Variants in KMT2C observed in about 807,000 individuals in gnomAD.
KMT2C encodes lysine methyltransferase 2C, also known as histone-lysine N-methyltransferase 2C.
Under a neutral mutation model 507.9 loss-of-function variants are expected in KMT2C, and 88 were observed. The ratio of observed to expected loss-of-function variants is 0.17; its 90% CI spans 0.15 to 0.21. The LOEUF is 0.21. Ranked by LOEUF, KMT2C falls within the 10% of genes least tolerant of loss-of-function variation. The pLI is 1.00. For missense variants in KMT2C, 4,954 were observed against 5,957.8 expected (o/e 0.83, Z 5.55); for synonymous variants, 2,049 against 2,080.8 (o/e 0.98, Z 0.42).
intron 1 of KMT2C, among the ~76,000 whole-genome samples, chr7:152,392,612 A>G (rs2116559146): frequency 6.6e-6 from 1 of 152,352 alleles, no homozygotes; most frequent in Admixed American, 6.5e-5. Context: ...CTAAAGTCAC[A>G]TCAGAACCAC....
Position 152,392,640 on chromosome 7 carries a change from T to C in KMT2C, c.162-33965A>G, listed in dbSNP as rs1012866606. On this transcript the variant is annotated intron_variant, in intron 1 of 58. Coordinates refer to ENST00000262189, the MANE Select transcript of KMT2C (RefSeq NM_170606.3). ...AGAACCACCAGGAAGCACAATTTCA[T>C]TGTATTTTGTGTGAATGCCCTCCCC... Among the ~76,000 whole-genome samples, 50 of 152,196 alleles carry C rather than the reference T, an allele frequency of 3.3e-4. 1 individual carries two copies. Among genetic ancestry groups the C allele is most frequent in the Admixed American group, 1.7e-3 (26 of 15,268 alleles).
At chr7:152,249,166 T>G (rs1588576977) in intron 13 of KMT2C, among the ~76,000 whole-genome samples, 1 of 152,290 alleles carries the variant, frequency 6.6e-6, no homozygotes, top group Non-Finnish European at 1.5e-5. Context: ...AGGAAATCTA[T>G]AAACTTAGAT....
At chr7:152,266,203 T>C (rs2095855805) in intron 7 of KMT2C, among the ~76,000 whole-genome samples, 3 of 152,052 alleles carry the variant, frequency 2.0e-5, no homozygotes, top group Non-Finnish European at 1.5e-5. Context: ...TATATATAAA[T>C]ATGCCTGTAT....
At chr7:152,373,777 A>G (rs10225914) in intron 1 of KMT2C, among the ~76,000 whole-genome samples, 5,704 of 152,262 alleles carry the variant, frequency 0.037, 375 homozygotes, top group African/African-American at 0.13. Flanking sequence ...ATAGAAAGAG[A>G]TATCAACAAC....
chr7:152,244,461 C>T (rs1186348389), intron 14 of KMT2C, among the ~76,000 whole-genome samples: 4 of 152,084 alleles, frequency 2.6e-5, no homozygotes, highest in African/African-American at 9.7e-5. Flanking sequence ...ATGGAAGGAT[C>T]GCTTGAGGCC....
chr7:152,338,844 C>A (rs2096962826), intron 2 of KMT2C, among the ~76,000 whole-genome samples: 1 of 152,110 alleles, frequency 6.6e-6, no homozygotes, highest in Non-Finnish European at 1.5e-5. Context: ...CTTACTAGGA[C>A]CATGTTACTG....
At chr7:152,139,136 A>C in intron 57 of KMT2C, 50 bp downstream of exon 57, 1 of 1,555,120 alleles carries the variant, frequency 6.4e-7, no homozygotes, top group Non-Finnish European at 8.9e-7. Context: ...CTCCACCAGC[A>C]CTGGCCCCAC....
intron 3 of KMT2C, among the ~76,000 whole-genome samples, chr7:152,324,620 A>G (rs181456018): frequency 1.3e-5 from 2 of 152,100 alleles, no homozygotes; most frequent in African/African-American, 4.8e-5. Flanking sequence ...TATTCCAAGA[A>G]AAAAAATCTT....
At chr7:152,273,499 G>A (rs1317721624) in intron 7 of KMT2C, among the ~76,000 whole-genome samples, 2 of 152,044 alleles carry the variant, frequency 1.3e-5, no homozygotes, top group Non-Finnish European at 2.9e-5. Context: ...TTTTTCTGAG[G>A]AAATAACTTT....
At chr7:152,344,783 C>T (rs1476593543) in intron 2 of KMT2C, among the ~76,000 whole-genome samples, 1 of 151,730 alleles carries the variant, frequency 6.6e-6, no homozygotes, top group African/African-American at 2.4e-5. Flanking sequence ...GTCAGGAGAT[C>T]GAGACCATCC....
chr7:152,387,682 A>G (rs1483097795), intron 1 of KMT2C, among the ~76,000 whole-genome samples: 8 of 152,208 alleles, frequency 5.3e-5, no homozygotes, highest in African/African-American at 1.4e-4. Context: ...CGTGTTAGCC[A>G]GGATGGTCTC....
At chr7:152,354,687 A>C (rs890520681) in intron 2 of KMT2C, among the ~76,000 whole-genome samples, 5 of 152,330 alleles carry the variant, frequency 3.3e-5, no homozygotes, top group Non-Finnish European at 7.3e-5. Context: ...CAAGCAAAGA[A>C]GACAAAAAGT....
At position 152,163,547 on chromosome 7, in the gene KMT2C, G is replaced by C. The variant is rs1158549754; in HGVS notation, c.10030C>G (p.Leu3344Val). Residue 3344 changes from leucine to valine, a missense_variant, in exon 43 of 59, where the codon CTG (leucine) becomes GTG (valine). Leu to Val is a conservative substitution (Grantham distance 32). Around this residue, in one of 29 missense-constraint regions of KMT2C, gnomAD observed 801 missense variants for 751.2 expected, o/e 1.07. Coordinates refer to ENST00000262189, the MANE Select transcript of KMT2C (RefSeq NM_170606.3). ...GWQPNSAPAH[L>V]PLNPPRIQPP... ...TGAATTCTAGGAGGATTGAGGGGCA[G>C]GTGGGCAGGAGCACTGTTGGGTTGC... 6.2e-7 allele frequency: 1 copy of C among 1,610,364 alleles called. No individual in the cohort carries two copies.
Position 152,249,673 on chromosome 7 carries a change from C to CAAAAAAAAA in KMT2C, c.1813+194_1813+202dup, listed in dbSNP as rs1183345172. ...ATTTTTAATCATGACCTCCCCCCTC[C>CAAAAAAAAA]AAAAAAAAAAAAAAAAAAAAAAAAA... On this transcript the variant is annotated intron_variant, in intron 13 of 58. Transcript: ENST00000262189. 8.7e-4 allele frequency among the ~76,000 whole-genome samples: 30 copies of CAAAAAAAAA among 34,510 alleles called. 3 individuals carry two copies. The highest frequency in any genetic ancestry group is 4.1e-3 in the South Asian group (2 of 490). 22.6% of individuals were successfully genotyped at this position (34,510 alleles called of 152,430 possible). A position where few individuals can be genotyped will look rare whatever the true frequency, so the allele number is the denominator to read the frequency against.
intron 6 of KMT2C, among the ~76,000 whole-genome samples, chr7:152,278,930 A>G (rs1245402820): frequency 1.3e-5 from 2 of 152,304 alleles, no homozygotes; most frequent in Admixed American, 6.5e-5. Context: ...GAAATAAATA[A>G]TAACAATGAT....
chr7:152,193,833 G>A (rs775489441), intron 31 of KMT2C, among the ~76,000 whole-genome samples, 176 bp downstream of exon 31: 13 of 152,166 alleles, frequency 8.5e-5, no homozygotes, highest in Non-Finnish European at 1.6e-4. Flanking sequence ...GAGAATTTCA[G>A]GGAGACCGCT....
At chr7:152,237,624 A>G (rs2095304168) in intron 15 of KMT2C, among the ~76,000 whole-genome samples, 1 of 152,104 alleles carries the variant, frequency 6.6e-6, no homozygotes, top group East Asian at 1.9e-4. Context: ...CAGCCTCCCT[A>G]GCAGCTGGGA....
In KMT2C at chr7:152,163,075, A is replaced by C. The variant is rs376522112; in HGVS notation, c.10502T>G (p.Phe3501Cys). 4 of 1,614,204 alleles carry C rather than the reference A, an allele frequency of 2.5e-6. No individual in the cohort carries two copies. In the South Asian group the frequency reaches 4.4e-5, roughly 18 times the overall value. Reference sequence around the variant, plus strand: ...CTGCCTTCGCTCATTAGTCTGCATGAAAGTTTGGGTGGAGGGTGAATTAAT... The same window carrying C: ...CTGCCTTCGCTCATTAGTCTGCATGCAAGTTTGGGTGGAGGGTGAATTAAT... ...GSINSPSTQTFMQTNERRQVG... is the reference protein window; with the variant it reads ...GSINSPSTQTCMQTNERRQVG... Residue 3501 changes from phenylalanine (F) to cysteine (C), a missense_variant, in exon 43 of 59, where the codon TTC (phenylalanine) becomes TGC (cysteine). Physicochemically the swap from Phe to Cys is radical, Grantham distance 205. This residue lies in a region of KMT2C where 801 missense variants were observed against 751.2 expected (regional missense o/e 1.07). Transcript: ENST00000262189.
chr7:152,277,459 C>T (rs893195940), intron 6 of KMT2C, among the ~76,000 whole-genome samples: 3 of 152,132 alleles, frequency 2.0e-5, no homozygotes, highest in African/African-American at 7.2e-5. Context: ...ATGTAAATAT[C>T]TAATAATAAA....
Sources: gnomAD v4.1 joint callset for allele counts (sites outside exome capture counted in the v4.1 genomes callset) on GRCh38, gnomAD v4.1.1 for gene constraint, gnomAD v4.1.1 regional missense constraint, MANE v1.5 for transcripts, NCBI Gene and HGNC (gene_info 2026-07-23, HGNC 2026-07-21) for gene names.